AHI1: variants seen among roughly 807,000 people sequenced by gnomAD.
AHI1 encodes the protein jouberin.
A neutral mutation model predicts 149.3 loss-of-function variants in AHI1; 123 were observed. The observed-to-expected ratio is 0.82, with a 90% CI of 0.71 to 0.96. The LOEUF is 0.96. Ranked by LOEUF, AHI1 falls within the 40% of genes least tolerant of loss-of-function variation. The probability of loss-of-function intolerance (pLI) is 0.00; values close to 1 mark genes in which losing one functional copy is unlikely to be tolerated. For synonymous variants in AHI1, 475 were observed against 459.8 expected (o/e 1.03, Z -0.42); for missense variants, 1,439 against 1,422.7 (o/e 1.01, Z -0.18).
chr6:135,483,645 C>T (rs1411689703), intron 5 of AHI1, among the ~76,000 whole-genome samples: 1 of 152,166 alleles, frequency 6.6e-6, no homozygotes, highest in Non-Finnish European at 1.5e-5. Flanking sequence ...GTTACTATTG[C>T]TGAGTATCAA....
At chr6:135,394,551 A>T (rs1778948380) in intron 23 of AHI1, 1 of 510,172 alleles carries the variant, frequency 2.0e-6, no homozygotes, top group African/African-American at 1.9e-5. Context: ...TTAAATTATT[A>T]TCTGTTAATA....
chr6:135,454,345 C>G (rs1788591111), intron 10 of AHI1, among the ~76,000 whole-genome samples: 1 of 152,040 alleles, frequency 6.6e-6, no homozygotes, highest in Non-Finnish European at 1.5e-5. Flanking sequence ...TCAATACATA[C>G]ACATGAATAC....
intron 16 of AHI1, among the ~76,000 whole-genome samples, chr6:135,432,146 T>C (rs1784754690): frequency 1.3e-5 from 2 of 152,122 alleles, no homozygotes; most frequent in Admixed American, 6.6e-5. Flanking sequence ...CTGAATATGT[T>C]CCAAATTTAT....
rs1394826746 is a variant in AHI1 at position 135,285,631 on chromosome 6, T to C, written c.*14A>G. The C allele has an allele frequency of 3.1e-6, 5 of 1,607,840 alleles. No homozygotes were observed. The East Asian group carries it at 8.9e-5, about 29-fold the overall frequency. ...TCTGTGCATTTCGGCAGCTCTTAAC[T>C]TTTCTTCAATTCTTTACTGGAAAGA... On this transcript the variant is annotated 3_prime_UTR_variant, in exon 29 of 29. Transcript: ENST00000265602.
At chr6:135,460,895 C>A (rs1047012774) in intron 8 of AHI1, among the ~76,000 whole-genome samples, 2 of 152,158 alleles carry the variant, frequency 1.3e-5, no homozygotes, top group African/African-American at 4.8e-5. Context: ...TTGATCACTG[C>A]TTCCTATCAT....
intron 23 of AHI1, among the ~76,000 whole-genome samples, chr6:135,380,736 C>CAA: frequency 8.7e-6 from 1 of 115,444 alleles, no homozygotes; most frequent in South Asian, 3.0e-4. Context: ...AAATAACCCC[C>CAA]CCCCCCCCAA....
At chr6:135,469,811 T>C (rs1159738904) in intron 5 of AHI1, among the ~76,000 whole-genome samples, 2 of 152,042 alleles carry the variant, frequency 1.3e-5, no homozygotes, top group Non-Finnish European at 2.9e-5. Context: ...ATACAAAAAT[T>C]AACTCAAGAT....
chr6:135,461,683 A>G (rs1789910505), intron 8 of AHI1, among the ~76,000 whole-genome samples: 1 of 152,050 alleles, frequency 6.6e-6, no homozygotes, highest in South Asian at 2.1e-4. Flanking sequence ...ATGACCATCA[A>G]TAAAATAGGC....
chr6:135,495,494 T>C (rs1312542955), intron 3 of AHI1: 1 of 152,238 alleles, frequency 6.6e-6, no homozygotes, highest in Non-Finnish European at 1.5e-5. Context: ...AACTCCTCAC[T>C]ATCCTTTAAA....
intron 24 of AHI1, among the ~76,000 whole-genome samples, chr6:135,352,146 C>T (rs2746429): frequency 0.54 from 81,130 of 151,618 alleles, 21,827 homozygotes; most frequent in Middle Eastern, 0.64. Context: ...CTAACGCCAC[C>T]ACCTGCAATT....
At chr6:135,424,847 T>C (rs769610024) in intron 20 of AHI1, among the ~76,000 whole-genome samples, 5 of 151,952 alleles carry the variant, frequency 3.3e-5, no homozygotes, top group African/African-American at 4.8e-5. Context: ...AAAAATCCCT[T>C]AAGTCTTTTG....
At chr6:135,320,584 T>G (rs1323560711) in intron 25 of AHI1, among the ~76,000 whole-genome samples, 1 of 152,232 alleles carries the variant, frequency 6.6e-6, no homozygotes, top group Non-Finnish European at 1.5e-5. Context: ...AGCTGCTGCA[T>G]CTGGCCTCAT....
rs917261137 is a variant in AHI1, at chr6:135,302,104, G to A, written c.3427-1546C>T. 2.0e-5 allele frequency: 20 copies of A among 977,394 alleles called. No homozygotes were observed. The East Asian group carries it at 6.8e-4, about 33-fold the overall frequency. 60.5% of individuals were successfully genotyped at this position (977,394 alleles called of 1,614,324 possible). A position where few individuals can be genotyped will look rare whatever the true frequency, so the allele number is the denominator to read the frequency against. On this transcript the variant is annotated intron_variant, in intron 26 of 28. Transcript: ENST00000265602. ...ACTCCTGGGCTCAAGCAATCCTCCCGCCTCAGCCTTCTGAGTTGCTGGGAT... is the reference window on the plus strand; with the variant it reads ...ACTCCTGGGCTCAAGCAATCCTCCCACCTCAGCCTTCTGAGTTGCTGGGAT...
intron 14 of AHI1, among the ~76,000 whole-genome samples, chr6:135,441,828 T>C (rs1180221234): frequency 6.6e-6 from 1 of 152,092 alleles, no homozygotes; most frequent in African/African-American, 2.4e-5. Flanking sequence ...TTATTACTAT[T>C]TCATGGGGAG....
intron 26 of AHI1, among the ~76,000 whole-genome samples, chr6:135,311,258 C>A (rs887341201): frequency 4.4e-4 from 64 of 145,524 alleles, no homozygotes; most frequent in South Asian, 1.3e-3. Flanking sequence ...GTTGGGATCC[C>A]ATCACTGCAC....
intron 23 of AHI1, among the ~76,000 whole-genome samples, chr6:135,359,626 C>T (rs1793534557): frequency 1.3e-5 from 2 of 152,100 alleles, no homozygotes; most frequent in African/African-American, 2.4e-5. Flanking sequence ...GTCTCACAAT[C>T]CTAGCTGCAA....
intron 7 of AHI1, 110 bp from the exon 8 acceptor site, chr6:135,463,416 A>G (rs1221089536): frequency 2.2e-6 from 2 of 899,470 alleles, no homozygotes; most frequent in African/African-American, 1.7e-5. Context: ...TCCTAAAATC[A>G]CTATTATTGT....
At chr6:135,450,170 AG>A (rs768631119) in intron 11 of AHI1, among the ~76,000 whole-genome samples, 1 of 152,242 alleles carries the variant, frequency 6.6e-6, no homozygotes, top group Non-Finnish European at 1.5e-5. Flanking sequence ...GGAAACTCAA[AG>A]AATGGTATAA....
chr6:135,425,556 C>T (rs188390146), intron 20 of AHI1, among the ~76,000 whole-genome samples: 2 of 151,978 alleles, frequency 1.3e-5, no homozygotes, highest in African/African-American at 4.8e-5. Flanking sequence ...CTAGTACTTT[C>T]ACAGTCATGG....
Sources: allele counts gnomAD v4.1 joint callset (sites outside exome capture counted in the v4.1 genomes callset), GRCh38; gene constraint gnomAD v4.1.1; transcripts MANE v1.5; gene names NCBI Gene and HGNC (gene_info 2026-07-23, HGNC 2026-07-21).